Variants in PARD3B observed in about 807,000 individuals in gnomAD.
PARD3B encodes the protein partitioning defective 3 homolog B.
Under a neutral mutation model 130.2 loss-of-function variants are expected in PARD3B, and 103 were observed. The observed-to-expected ratio is 0.79, with a 90% CI of 0.67 to 0.93. The LOEUF (loss-of-function observed/expected upper bound fraction) is 0.93, where lower values mean the gene tolerates loss of function less well. Among genes scored for constraint, PARD3B ranks in the 40% least tolerant of loss-of-function variants. The pLI is 0.00. For synonymous variants in PARD3B, 583 were observed against 553.2 expected, an observed-to-expected ratio of 1.05 and a Z score of -0.76; for missense variants, 1,609 against 1,499.2, an observed-to-expected ratio of 1.07 and a Z score of -1.21.
chr2:205,174,623 T>C (rs1447245897), intron 12 of PARD3B, among the ~76,000 whole-genome samples: 2 of 152,206 alleles, frequency 1.3e-5, no homozygotes, highest in African/African-American at 4.8e-5. Context: ...CAATAAAAAG[T>C]ATCCATAACC....
At chr2:205,032,513 T>A (rs2125364963) in intron 3 of PARD3B, among the ~76,000 whole-genome samples, 1 of 152,228 alleles carries the variant, frequency 6.6e-6, no homozygotes, top group South Asian at 2.1e-4. Context: ...GTTGGAAATG[T>A]TGGGAAAGTC....
At chr2:204,568,115 T>C (rs1184861035) in intron 1 of PARD3B, among the ~76,000 whole-genome samples, 1 of 152,216 alleles carries the variant, frequency 6.6e-6, no homozygotes, top group Non-Finnish European at 1.5e-5. Context: ...AGAAAGAGTT[T>C]TGACTTTGCA....
At chr2:205,225,899 A>T (rs1271547925) in intron 15 of PARD3B, among the ~76,000 whole-genome samples, 1 of 152,220 alleles carries the variant, frequency 6.6e-6, no homozygotes, top group African/African-American at 2.4e-5. Flanking sequence ...AGACACAGAG[A>T]CAAACCATAT....
chr2:205,207,907 C>T lies in PARD3B; in HGVS notation c.2140+14587C>T, dbSNP rs1478945154. Reference sequence around the variant, plus strand: ...TTCTGATACCGAAGCCAGGCAGAGACACAACCAAAAAAGAGAATTTTAGAC... The same window carrying T: ...TTCTGATACCGAAGCCAGGCAGAGATACAACCAAAAAAGAGAATTTTAGAC... On this transcript the variant is annotated intron_variant, in intron 15 of 22. Coordinates refer to ENST00000406610, the MANE Select transcript of PARD3B (RefSeq NM_001302769.2). Among the ~76,000 whole-genome samples the T allele has an allele frequency of 7.4e-5, 9 of 121,038 alleles. 2 individuals are homozygous for T. The highest frequency in any genetic ancestry group is 3.2e-4 in the African/African-American group (9 of 28,032). 79.4% of individuals were successfully genotyped at this position (121,038 alleles called of 152,430 possible).
intron 10 of PARD3B, among the ~76,000 whole-genome samples, chr2:205,154,019 T>C (rs963979927): frequency 6.6e-6 from 1 of 152,070 alleles, no homozygotes; most frequent in Non-Finnish European, 1.5e-5. Flanking sequence ...CCAAAAGCAA[T>C]GGCAACAAAA....
chr2:204,965,123 G>C (rs1210965399), intron 2 of PARD3B, 29 bp from the exon 3 acceptor site: 1 of 1,605,456 alleles, frequency 6.2e-7, no homozygotes, highest in East Asian at 2.2e-5. Flanking sequence ...GTCCTACAAA[G>C]TAATTAGTGT....
At chr2:205,414,558 A>G (rs2046709627) in intron 19 of PARD3B, among the ~76,000 whole-genome samples, 1 of 152,168 alleles carries the variant, frequency 6.6e-6, no homozygotes, top group East Asian at 1.9e-4. Flanking sequence ...TGATTATAAT[A>G]GTATGTACCA....
At position 204,579,376 on chromosome 2, in the gene PARD3B, A is replaced by C. The variant is rs112664206; in HGVS notation, c.120+33257A>C. Among the ~76,000 whole-genome samples, 1,310 of 151,700 alleles carry C rather than the reference A, an allele frequency of 8.6e-3. 14 individuals carry two copies. Among genetic ancestry groups the C allele is most frequent in the African/African-American group, 0.031 (1,273 of 41,342 alleles). ...CTCGAGCAGCAGTCCCTTCTGGTTC[A>C]TTCTTGGTGGTTCCCAGGGAGCGCG... On this transcript the variant is annotated intron_variant, in intron 1 of 22. Coordinates refer to ENST00000406610, the MANE Select transcript of PARD3B (RefSeq NM_001302769.2).
intron 3 of PARD3B, among the ~76,000 whole-genome samples, chr2:205,003,234 C>A (rs1694991922): frequency 2.0e-5 from 3 of 152,180 alleles, no homozygotes; most frequent in African/African-American, 7.2e-5. Context: ...TTGGACTGAG[C>A]CATTTAGATA....
intron 2 of PARD3B, among the ~76,000 whole-genome samples, chr2:204,949,185 A>G (rs776964984): frequency 6.6e-6 from 1 of 152,216 alleles, no homozygotes; most frequent in Non-Finnish European, 1.5e-5. Flanking sequence ...TAACCCCAAT[A>G]TCAATATCGC....
At chr2:204,553,959 G>C (rs1044047013) in intron 1 of PARD3B, among the ~76,000 whole-genome samples, 1 of 151,668 alleles carries the variant, frequency 6.6e-6, no homozygotes, top group Non-Finnish European at 1.5e-5. Context: ...TCAGGTGATG[G>C]ATGCACCAAA....
chr2:205,371,348 G>C (rs992422705), intron 18 of PARD3B, among the ~76,000 whole-genome samples: 1 of 152,130 alleles, frequency 6.6e-6, no homozygotes, highest in Non-Finnish European at 1.5e-5. Flanking sequence ...TGTTCTGTAT[G>C]GGGCCTACTT....
intron 22 of PARD3B, among the ~76,000 whole-genome samples, chr2:205,566,840 T>G (rs2053356989): frequency 6.6e-6 from 1 of 152,256 alleles, no homozygotes; most frequent in African/African-American, 2.4e-5. Flanking sequence ...GGCATCCTTC[T>G]GTGGCTGTGA....
intron 4 of PARD3B, among the ~76,000 whole-genome samples, chr2:205,088,410 C>CT (rs1465383671): frequency 6.6e-6 from 1 of 152,060 alleles, no homozygotes; most frequent in Non-Finnish European, 1.5e-5. Context: ...TGTTATATTT[C>CT]TTTTTTAAAA....
chr2:205,486,005 C>T (rs142172416), intron 20 of PARD3B, among the ~76,000 whole-genome samples: 6 of 152,200 alleles, frequency 3.9e-5, no homozygotes, highest in Admixed American at 6.5e-5. Flanking sequence ...CTGTGAAATC[C>T]CTGAGGGTCA....
intron 1 of PARD3B, among the ~76,000 whole-genome samples, chr2:204,683,401 C>A (rs1027247659): frequency 2.0e-5 from 3 of 152,042 alleles, no homozygotes; most frequent in African/African-American, 7.2e-5. Flanking sequence ...CAGTTTTATT[C>A]CTGATGGCAA....
At chr2:205,398,328 A>G (rs2046108909) in intron 18 of PARD3B, among the ~76,000 whole-genome samples, 1 of 150,990 alleles carries the variant, frequency 6.6e-6, no homozygotes, top group Admixed American at 6.6e-5. Flanking sequence ...AAGTTCTTAT[A>G]TTTTTGTCTG....
rs2046295759 is a variant in PARD3B, at chr2:205,402,762, G to C, written c.2741+1639G>C. ...AATATGTCTGGTCAAAATAGTGAAA[G>C]AACTATACTATTAGCCTCCACTTAG... On this transcript the variant is annotated intron_variant, in intron 19 of 22. Coordinates refer to ENST00000406610, the MANE Select transcript of PARD3B (RefSeq NM_001302769.2). Among the ~76,000 whole-genome samples, 3 of 152,180 alleles carry C rather than the reference G, an allele frequency of 2.0e-5. No homozygotes were observed. The South Asian group carries it at 6.2e-4, about 31-fold the overall frequency.
intron 21 of PARD3B, among the ~76,000 whole-genome samples, chr2:205,516,320 T>C (rs765307025): frequency 1.7e-4 from 25 of 151,388 alleles, no homozygotes; most frequent in Non-Finnish European, 3.0e-4. Context: ...GATCTGTAAA[T>C]TCCATATGGA....
Sources: allele counts gnomAD v4.1 joint callset (sites outside exome capture counted in the v4.1 genomes callset), GRCh38; gene constraint gnomAD v4.1.1; transcripts MANE v1.5; gene names NCBI Gene and HGNC (gene_info 2026-07-23, HGNC 2026-07-21).